Variants in LIN7A observed in about 807,000 individuals in gnomAD.
LIN7A encodes lin-7 cell polarity scaffold A, also known as protein lin-7 homolog A.
A neutral mutation model predicts 29.8 loss-of-function variants in LIN7A; 25 were observed. That is an observed-to-expected ratio of 0.84 (90% CI 0.61 to 1.17). LIN7A has a LOEUF of 1.17. Among genes scored for constraint, LIN7A ranks in the 50% most tolerant of loss-of-function variants. The probability of loss-of-function intolerance (pLI) is 0.00; values close to 1 mark genes in which losing one functional copy is unlikely to be tolerated. For synonymous variants in LIN7A, 118 were observed against 107.5 expected, an observed-to-expected ratio of 1.10 and a Z score of -0.60; for missense variants, 239 against 287.0, an observed-to-expected ratio of 0.83 and a Z score of 1.21.
intron 5 of LIN7A, among the ~76,000 whole-genome samples, chr12:80,809,171 T>A (rs1333433342): frequency 6.6e-6 from 1 of 152,032 alleles, no homozygotes; most frequent in African/African-American, 2.4e-5. Context: ...TTTGACGATG[T>A]TGGTCAGGCT....
At chr12:80,900,630 G>A (rs1876163323) in intron 1 of LIN7A, among the ~76,000 whole-genome samples, 1 of 152,160 alleles carries the variant, frequency 6.6e-6, no homozygotes, top group Non-Finnish European at 1.5e-5. Flanking sequence ...GAATGTGGTT[G>A]ATATGATGTT....
At chr12:80,895,817 C>T (rs918344384) in intron 1 of LIN7A, among the ~76,000 whole-genome samples, 19 of 151,964 alleles carry the variant, frequency 1.3e-4, no homozygotes, top group Admixed American at 2.0e-4. Context: ...TTTGTGATCA[C>T]GAAGATAACT....
chr12:80,853,893 T>C (rs1320558673), intron 2 of LIN7A, among the ~76,000 whole-genome samples: 2 of 152,056 alleles, frequency 1.3e-5, no homozygotes, highest in South Asian at 4.1e-4. Context: ...GGGGTTTCAC[T>C]ATATTGTTCA....
intron 4 of LIN7A, among the ~76,000 whole-genome samples, chr12:80,822,009 T>C (rs1233829302): frequency 6.6e-6 from 1 of 152,204 alleles, no homozygotes; most frequent in East Asian, 1.9e-4. Context: ...CTGTGGACTT[T>C]GGGCACTAAC....
At chr12:80,887,737 C>T (rs1875407318) in intron 2 of LIN7A, among the ~76,000 whole-genome samples, 1 of 152,070 alleles carries the variant, frequency 6.6e-6, no homozygotes, top group Admixed American at 6.6e-5. Context: ...TCCCACTAGA[C>T]TGTGAGTTCC....
intron 1 of LIN7A, among the ~76,000 whole-genome samples, chr12:80,920,482 A>G (rs1186372068): frequency 2.6e-5 from 4 of 152,154 alleles, no homozygotes; most frequent in African/African-American, 9.7e-5. Flanking sequence ...ATTAAGGAAG[A>G]CTGTGTTAAA....
chr12:80,842,624 T>G (rs1872874862), intron 4 of LIN7A, among the ~76,000 whole-genome samples: 1 of 129,672 alleles, frequency 7.7e-6, no homozygotes, highest in Non-Finnish European at 1.7e-5. Flanking sequence ...GCCTTTCCAT[T>G]ACAGATTTTT....
rs71094991 is a variant in LIN7A, at chr12:80,807,063, G to GTT, written c.*4400_*4401dup. 1.8e-3 allele frequency among the ~76,000 whole-genome samples: 94 copies of GTT among 53,580 alleles called. 10 individuals carry two copies. The highest frequency in any genetic ancestry group is 4.3e-3 in the African/African-American group (50 of 11,532). 35.2% of individuals were successfully genotyped at this position (53,580 alleles called of 152,430 possible). ...CCATAGGAAATTTAATGAAGATGGA[G>GTT]TTTTTTTTTTTTTTTTTTTTTTTTT... On this transcript the variant is annotated intron_variant, in intron 5 of 5. Transcript: ENST00000552864.
At chr12:80,807,078 T>TG (rs79831752) in intron 5 of LIN7A, among the ~76,000 whole-genome samples, 26 of 115,098 alleles carry the variant, frequency 2.3e-4, no homozygotes, top group Non-Finnish European at 4.1e-4. Context: ...TTTTTTTTTT[T>TG]TTTTTTTTTT....
chr12:80,825,729 A>G (rs2121524893), intron 4 of LIN7A, among the ~76,000 whole-genome samples: 1 of 149,824 alleles, frequency 6.7e-6, no homozygotes, highest in East Asian at 2.0e-4. Context: ...AATTCCGTCA[A>G]TCAGAATAGA....
intron 4 of LIN7A, among the ~76,000 whole-genome samples, chr12:80,845,047 G>GCT (rs1872998690): frequency 6.6e-6 from 1 of 151,918 alleles, no homozygotes; most frequent in Non-Finnish European, 1.5e-5. Context: ...GACAATCCTG[G>GCT]CTAACATGGT....
At chr12:80,896,482 C>T (rs765675381) in intron 1 of LIN7A, among the ~76,000 whole-genome samples, 18 of 152,176 alleles carry the variant, frequency 1.2e-4, no homozygotes, top group Non-Finnish European at 1.9e-4. Context: ...ACTTCTATCA[C>T]TGCGATATGA....
chr12:80,854,486 C>CGAA (rs1873499161), intron 2 of LIN7A, among the ~76,000 whole-genome samples: 1 of 108,936 alleles, frequency 9.2e-6, no homozygotes, highest in Non-Finnish European at 1.6e-5. Flanking sequence ...GTTGCTAAGC[C>CGAA]AAAAAAAAAA....
chr12:80,848,377 T>C (rs951291253), intron 2 of LIN7A, 55 bp from the exon 3 acceptor site: 4 of 1,262,316 alleles, frequency 3.2e-6, no homozygotes, highest in Non-Finnish European at 3.4e-6. Context: ...ATAATAATTC[T>C]TTTATTGCAG....
intron 1 of LIN7A, among the ~76,000 whole-genome samples, chr12:80,926,495 C>T (rs1192866701): frequency 1.3e-5 from 2 of 152,212 alleles, no homozygotes; most frequent in African/African-American, 2.4e-5. Context: ...AGCAAATTCA[C>T]TAATATTATC....
intron 4 of LIN7A, among the ~76,000 whole-genome samples, chr12:80,823,456 C>G (rs1370574503): frequency 1.3e-5 from 2 of 152,230 alleles, no homozygotes; most frequent in Non-Finnish European, 1.5e-5. Flanking sequence ...TTCTAGGGAG[C>G]CAGCCCCTGT....
At chr12:80,866,026 G>A (rs763805248) in intron 2 of LIN7A, among the ~76,000 whole-genome samples, 11 of 152,150 alleles carry the variant, frequency 7.2e-5, no homozygotes, top group Non-Finnish European at 1.5e-4. Flanking sequence ...TAAAAAGGGT[G>A]TGCATGTGTT....
intron 1 of LIN7A, among the ~76,000 whole-genome samples, 164 bp from the exon 2 acceptor site, chr12:80,889,533 A>C (rs767324744): frequency 1.3e-5 from 2 of 152,156 alleles, no homozygotes; most frequent in Non-Finnish European, 2.9e-5. Flanking sequence ...TTTGGTAAAA[A>C]GTCATTTTAA....
intron 4 of LIN7A, among the ~76,000 whole-genome samples, chr12:80,829,744 A>T (rs918557019): frequency 6.6e-6 from 1 of 152,258 alleles, no homozygotes; most frequent in African/African-American, 2.4e-5. Context: ...TGTTGATCTT[A>T]TCCCCCTTCC....
Sources: gnomAD v4.1 joint callset for allele counts (sites outside exome capture counted in the v4.1 genomes callset) on GRCh38, gnomAD v4.1.1 for gene constraint, MANE v1.5 for transcripts, NCBI Gene and HGNC (gene_info 2026-07-23, HGNC 2026-07-21) for gene names.